ARHGAP15: variants seen among roughly 807,000 people sequenced by gnomAD.
ARHGAP15 encodes Rho GTPase activating protein 15, also known as rho GTPase-activating protein 15.
In ARHGAP15, 51 loss-of-function variants were observed where a neutral mutation model predicts 63.7. The observed-to-expected ratio is 0.80, with a 90% CI of 0.64 to 1.01. The LOEUF (loss-of-function observed/expected upper bound fraction) is 1.01, where lower values mean the gene tolerates loss of function less well. ARHGAP15 is among the 50% of genes least tolerant of loss of function. The probability of loss-of-function intolerance (pLI) is 0.00; values close to 1 mark genes in which losing one functional copy is unlikely to be tolerated. For missense variants in ARHGAP15, 560 were observed against 564.6 expected (o/e 0.99, Z 0.08); for synonymous variants, 191 against 193.8 (o/e 0.99, Z 0.12).
intron 9 of ARHGAP15, among the ~76,000 whole-genome samples, chr2:143,516,241 A>G (rs1474798606): frequency 6.6e-6 from 1 of 152,254 alleles, no homozygotes; most frequent in Non-Finnish European, 1.5e-5. Context: ...CTCTAAATAC[A>G]GTATAGCCAC....
chr2:143,651,011 T>G (rs115760709), intron 12 of ARHGAP15, among the ~76,000 whole-genome samples: 6 of 152,050 alleles, frequency 3.9e-5, no homozygotes, highest in Non-Finnish European at 8.8e-5. Context: ...ACTAAGTACA[T>G]TGTTCATACA....
In ARHGAP15 at chr2:143,603,743, T is replaced by C. The variant is rs1229816188; in HGVS notation, c.1004-20390T>C. Among the ~76,000 whole-genome samples, 3 of 152,226 alleles carry C rather than the reference T, an allele frequency of 2.0e-5. No homozygotes were observed. In the South Asian group the frequency reaches 6.2e-4, roughly 31 times the overall value. Reference sequence around the variant, plus strand: ...CAGCGGCAGCTCTTACAAGGTACTGTTCAAATATTCCCACCTATCTGTGCT... The same window carrying C: ...CAGCGGCAGCTCTTACAAGGTACTGCTCAAATATTCCCACCTATCTGTGCT... On this transcript the variant is annotated intron_variant, in intron 11 of 13. Coordinates refer to ENST00000295095, the MANE Select transcript of ARHGAP15 (RefSeq NM_018460.4).
chr2:143,239,764 G>T (rs563024037), intron 5 of ARHGAP15, among the ~76,000 whole-genome samples: 3 of 152,090 alleles, frequency 2.0e-5, no homozygotes, highest in Non-Finnish European at 4.4e-5. Context: ...CCCAAGGCAG[G>T]TGGATCACCT....
At chr2:143,209,557 T>TAAAAAAAAA in intron 3 of ARHGAP15, among the ~76,000 whole-genome samples, 1 of 148,374 alleles carries the variant, frequency 6.7e-6, no homozygotes, top group Non-Finnish European at 1.5e-5. Flanking sequence ...TGTGCTATGA[T>TAAAAAAAAA]AAAAAAAAAA....
At chr2:143,695,031 A>C (rs376475411) in intron 12 of ARHGAP15, among the ~76,000 whole-genome samples, 5 of 152,290 alleles carry the variant, frequency 3.3e-5, no homozygotes, top group African/African-American at 9.6e-5. Flanking sequence ...TAGGATTTCC[A>C]CCCTTATGAA....
chr2:143,158,114 C>T (rs998302428), intron 2 of ARHGAP15, among the ~76,000 whole-genome samples: 1 of 151,798 alleles, frequency 6.6e-6, no homozygotes, highest in African/African-American at 2.4e-5. Flanking sequence ...TATAATAACA[C>T]AAGGATCTGA....
chr2:143,757,381 C>T (rs929761673), intron 13 of ARHGAP15, among the ~76,000 whole-genome samples: 1 of 151,966 alleles, frequency 6.6e-6, no homozygotes, highest in Non-Finnish European at 1.5e-5. Context: ...CATGGTAACG[C>T]GTGACTGTAA....
At chr2:143,714,905 C>T (rs1684739982) in intron 13 of ARHGAP15, among the ~76,000 whole-genome samples, 2 of 152,148 alleles carry the variant, frequency 1.3e-5, no homozygotes, top group Admixed American at 6.5e-5. Context: ...CAAACTTTCC[C>T]ACATTTTCCT....
At chr2:143,451,690 T>C (rs1366943835) in intron 8 of ARHGAP15, among the ~76,000 whole-genome samples, 1 of 152,002 alleles carries the variant, frequency 6.6e-6, no homozygotes, top group Admixed American at 6.6e-5. Context: ...ATAATATATT[T>C]GTTTCATATG....
At chr2:143,231,602 T>C (rs1161936180) in intron 5 of ARHGAP15, among the ~76,000 whole-genome samples, 1 of 152,230 alleles carries the variant, frequency 6.6e-6, no homozygotes, top group African/African-American at 2.4e-5. Flanking sequence ...TACAAAGTAT[T>C]CTGCCTGACC....
chr2:143,295,431 G>GAA (rs35223841), intron 6 of ARHGAP15: 63,872 of 151,664 alleles, frequency 0.42, 13,804 homozygotes, highest in African/African-American at 0.52. Flanking sequence ...CTGTTGAGGA[G>GAA]AAGAGACCCT....
At chr2:143,313,440 G>T (rs957020238) in intron 6 of ARHGAP15, among the ~76,000 whole-genome samples, 1 of 151,968 alleles carries the variant, frequency 6.6e-6, no homozygotes, top group South Asian at 2.1e-4. Flanking sequence ...CTTCTATATT[G>T]TTCTTAGTTA....
At chr2:143,215,612 G>A (rs1558819086) in intron 3 of ARHGAP15, among the ~76,000 whole-genome samples, 1 of 152,146 alleles carries the variant, frequency 6.6e-6, no homozygotes, top group Non-Finnish European at 1.5e-5. Flanking sequence ...GATGGGGCAT[G>A]TGAGGCAGAC....
intron 2 of ARHGAP15, among the ~76,000 whole-genome samples, chr2:143,197,919 A>G (rs1691946446): frequency 6.6e-6 from 1 of 151,810 alleles, no homozygotes; most frequent in Non-Finnish European, 1.5e-5. Flanking sequence ...CTTTTTATGC[A>G]CGTGGAGGCT....
chr2:143,567,124 C>G (rs1696261291), intron 11 of ARHGAP15, among the ~76,000 whole-genome samples: 1 of 152,080 alleles, frequency 6.6e-6, no homozygotes, highest in Admixed American at 6.5e-5. Flanking sequence ...ATCTGCCCCC[C>G]TCGGCCTCCC....
At chr2:143,374,310 C>G (rs1686709424) in intron 6 of ARHGAP15, among the ~76,000 whole-genome samples, 1 of 152,130 alleles carries the variant, frequency 6.6e-6, no homozygotes, top group South Asian at 2.1e-4. Flanking sequence ...TGGAGCCACA[C>G]TATTTGGTGT....
intron 8 of ARHGAP15, among the ~76,000 whole-genome samples, chr2:143,439,541 AAC>A (rs1491497396): frequency 8.0e-5 from 12 of 150,620 alleles, no homozygotes; most frequent in Non-Finnish European, 1.5e-4. Context: ...GTTAAAAAAA[AAC>A]TAGAAAATAT....
intron 11 of ARHGAP15, among the ~76,000 whole-genome samples, chr2:143,574,993 G>T (rs1361100254): frequency 6.6e-6 from 1 of 152,094 alleles, no homozygotes; most frequent in Non-Finnish European, 1.5e-5. Flanking sequence ...TATGCTTACA[G>T]AGTAAAATAG....
intron 12 of ARHGAP15, among the ~76,000 whole-genome samples, chr2:143,640,023 A>G (rs1298357926): frequency 1.3e-5 from 2 of 152,124 alleles, no homozygotes; most frequent in African/African-American, 4.8e-5. Flanking sequence ...TCTGGCAATT[A>G]ATTGTAAATT....
Sources: gnomAD v4.1 joint callset for allele counts (sites outside exome capture counted in the v4.1 genomes callset) on GRCh38, gnomAD v4.1.1 for gene constraint, MANE v1.5 for transcripts, NCBI Gene and HGNC (gene_info 2026-07-23, HGNC 2026-07-21) for gene names.